TNNI3K: variants seen among roughly 807,000 people sequenced by gnomAD.
TNNI3K encodes the protein TNNI3 interacting kinase, also known as serine/threonine-protein kinase TNNI3K.
TNNI3K carries 140 observed loss-of-function variants against 114.5 expected under a neutral mutation model. That is an observed-to-expected ratio of 1.22 (90% CI 1.07 to 1.41). The LOEUF (loss-of-function observed/expected upper bound fraction) is 1.41, where lower values mean the gene tolerates loss of function less well. TNNI3K is among the 40% of genes most tolerant of loss of function. TNNI3K has a pLI of 0.00. For missense variants in TNNI3K, 1,125 were observed against 1,007.6 expected, an observed-to-expected ratio of 1.12 and a Z score of -1.58; for synonymous variants, 347 against 347.5, an observed-to-expected ratio of 1.00 and a Z score of 0.02.
intron 17 of TNNI3K, among the ~76,000 whole-genome samples, chr1:74,429,297 T>C (rs1665782106): frequency 6.6e-6 from 1 of 152,006 alleles, no homozygotes; most frequent in Non-Finnish European, 1.5e-5. Context: ...AAGACCAAAA[T>C]AGGAAGCATA....
Position 74,336,035 on chromosome 1 carries a change from G to C in TNNI3K, c.568G>C (p.Gly190Arg). The C allele has an allele frequency of 6.3e-7, 1 of 1,577,064 alleles. No individual in the cohort carries two copies. The highest frequency in any genetic ancestry group is 8.6e-7 in the Non-Finnish European group (1 of 1,168,992). The change falls in exon 7 of 25, where the codon GGT becomes CGT. Residue 190 changes from glycine to arginine, a missense_variant. Physicochemically the swap from Gly to Arg is moderately radical, Grantham distance 125. Coordinates refer to ENST00000326637, the MANE Select transcript of TNNI3K (RefSeq NM_015978.3). Reference protein sequence around the residue: ...EQVTRLLLKFGADVNVSGEVG... With the variant: ...EQVTRLLLKFRADVNVSGEVG... The stretch of plus-strand genomic sequence containing the variant: ...GGTAACTCGCCTTCTTTTGAAATTT[G>C]GTGCTGATGTAAATGTAAGTGGTGA...
chr1:74,348,955 G>T (rs890219898), intron 9 of TNNI3K, among the ~76,000 whole-genome samples: 16 of 152,158 alleles, frequency 1.1e-4, no homozygotes, highest in Non-Finnish European at 2.1e-4. Context: ...GGGACCATTT[G>T]ACTTCCTCTT....
At chr1:74,251,939 T>G (rs1654954995) in intron 4 of TNNI3K, among the ~76,000 whole-genome samples, 1 of 152,214 alleles carries the variant, frequency 6.6e-6, no homozygotes, top group African/African-American at 2.4e-5. Context: ...CTGTTAATTA[T>G]CCTGCTAAAC....
intron 5 of TNNI3K, among the ~76,000 whole-genome samples, chr1:74,306,281 A>C (rs757211982): frequency 3.3e-5 from 5 of 152,174 alleles, no homozygotes; most frequent in African/African-American, 4.8e-5. Flanking sequence ...TCCATCATTG[A>C]TAGGCACCTA....
intron 3 of TNNI3K, 148 bp from the exon 4 acceptor site, chr1:74,250,524 T>A (rs978183530): frequency 3.4e-6 from 2 of 581,200 alleles, no homozygotes; most frequent in African/African-American, 1.9e-5. Context: ...AGTAAGGTTG[T>A]CAATTAATAG....
chr1:74,438,781 C>T (rs143588973), intron 19 of TNNI3K, among the ~76,000 whole-genome samples: 1 of 152,018 alleles, frequency 6.6e-6, no homozygotes, highest in Non-Finnish European at 1.5e-5. Context: ...ATAATGTCAT[C>T]GAAACAGAGG....
chr1:74,489,346 G>A, intron 22 of TNNI3K, 98 bp downstream of exon 22: 8 of 1,239,730 alleles, frequency 6.5e-6, no homozygotes, highest in Non-Finnish European at 7.9e-6. Context: ...AAAAGTTACT[G>A]TGAGGACCCA....
intron 19 of TNNI3K, 35 bp downstream of exon 19, chr1:74,436,561 C>T (rs1666138552): frequency 1.3e-6 from 2 of 1,569,070 alleles, no homozygotes. Flanking sequence ...TAATTATAAA[C>T]CAATTAAAAT....
At chr1:74,332,368 T>G (rs1301421441) in intron 6 of TNNI3K, among the ~76,000 whole-genome samples, 3 of 151,788 alleles carry the variant, frequency 2.0e-5, no homozygotes, top group Non-Finnish European at 2.9e-5. Context: ...TGGCTCGATC[T>G]CGGCTCACTG....
chr1:74,506,628 G>A (rs1312705271), intron 23 of TNNI3K, among the ~76,000 whole-genome samples: 1 of 152,316 alleles, frequency 6.6e-6, no homozygotes, highest in Non-Finnish European at 1.5e-5. Flanking sequence ...TCACCTAGGA[G>A]CTTGTTAGAA....
intron 23 of TNNI3K, among the ~76,000 whole-genome samples, chr1:74,511,190 G>A (rs527478228): frequency 1.0e-4 from 12 of 116,248 alleles, no homozygotes; most frequent in Non-Finnish European, 1.6e-4. Context: ...TACCGTGCCC[G>A]GCCTATTTTT....
At chr1:74,466,240 T>C (rs1667676377) in intron 21 of TNNI3K, among the ~76,000 whole-genome samples, 2 of 152,214 alleles carry the variant, frequency 1.3e-5, no homozygotes, top group African/African-American at 4.8e-5. Context: ...CCACCAATTC[T>C]GGACACACTA....
intron 23 of TNNI3K, among the ~76,000 whole-genome samples, chr1:74,525,898 G>A (rs1024425400): frequency 2.0e-5 from 3 of 152,246 alleles, no homozygotes; most frequent in Non-Finnish European, 4.4e-5. Context: ...CAAGAGAAGA[G>A]GTTTTCAATG....
intron 17 of TNNI3K, among the ~76,000 whole-genome samples, chr1:74,385,390 G>A (rs1437769694): frequency 6.6e-6 from 1 of 152,140 alleles, no homozygotes; most frequent in Non-Finnish European, 1.5e-5. Context: ...TCCTTCTCAT[G>A]TGGATACAAG....
chr1:74,392,231 G>A (rs1289582255), intron 17 of TNNI3K, among the ~76,000 whole-genome samples: 3 of 152,102 alleles, frequency 2.0e-5, no homozygotes, highest in East Asian at 1.9e-4. Context: ...TTTGAAGGAT[G>A]GGAGCTACTA....
intron 19 of TNNI3K, among the ~76,000 whole-genome samples, chr1:74,438,427 G>A (rs1002947950): frequency 6.6e-6 from 1 of 152,008 alleles, no homozygotes; most frequent in Non-Finnish European, 1.5e-5. Context: ...CAAGATTTTG[G>A]TAAGAGTGAT....
chr1:74,422,207 C>T (rs1266927467), intron 17 of TNNI3K, among the ~76,000 whole-genome samples: 2 of 151,788 alleles, frequency 1.3e-5, no homozygotes. Context: ...CACACATCCC[C>T]TTTACCGGAA....
At chr1:74,318,189 A>G (rs188382646) in intron 5 of TNNI3K, among the ~76,000 whole-genome samples, 5 of 152,296 alleles carry the variant, frequency 3.3e-5, no homozygotes, top group African/African-American at 1.2e-4. Context: ...TTAATGCTTC[A>G]TACATTTAAC....
chr1:74,339,096 T>G (rs1049057326), intron 7 of TNNI3K, among the ~76,000 whole-genome samples: 3 of 152,130 alleles, frequency 2.0e-5, no homozygotes, highest in Non-Finnish European at 4.4e-5. Context: ...CAGAGCTCAG[T>G]AGTGTCAAAA....
Sources: allele counts gnomAD v4.1 joint callset (sites outside exome capture counted in the v4.1 genomes callset), GRCh38; gene constraint gnomAD v4.1.1; transcripts MANE v1.5; gene names NCBI Gene and HGNC (gene_info 2026-07-23, HGNC 2026-07-21).